CRACDL: variants seen among roughly 807,000 people sequenced by gnomAD.
CRACDL encodes CRACD-like protein.
CRACDL carries 26 observed loss-of-function variants against 70.6 expected under a neutral mutation model. That is an observed-to-expected ratio of 0.37 (90% confidence interval 0.27 to 0.51). CRACDL has a LOEUF of 0.51. Ranked by LOEUF, CRACDL falls within the 20% of genes least tolerant of loss-of-function variation. CRACDL has a pLI of 0.94. For synonymous variants in CRACDL, 618 were observed against 615.2 expected (o/e 1.00, Z -0.07); for missense variants, 1,283 against 1,376.9 (o/e 0.93, Z 1.08).
chr2:98,808,324 TCA>T (rs757950038), intron 7 of CRACDL, among the ~76,000 whole-genome samples: 2 of 152,182 alleles, frequency 1.3e-5, no homozygotes, highest in Non-Finnish European at 2.9e-5. Context: ...TTTAACACTC[TCA>T]CAGTCTGGGA....
chr2:98,848,762 A>AT (rs1003263887), intron 1 of CRACDL, among the ~76,000 whole-genome samples: 1 of 152,076 alleles, frequency 6.6e-6, no homozygotes, highest in Admixed American at 6.5e-5. Context: ...AATTTTTTGT[A>AT]TTTTTTGTAG....
At chr2:98,931,367 T>C (rs1352272615) in intron 1 of CRACDL, among the ~76,000 whole-genome samples, 1 of 148,302 alleles carries the variant, frequency 6.7e-6, no homozygotes, top group Non-Finnish European at 1.5e-5. Flanking sequence ...CTGACTCCCC[T>C]GACCTTGACT....
chr2:98,799,219 G>C (rs1386083888), intron 7 of CRACDL, among the ~76,000 whole-genome samples: 1 of 152,192 alleles, frequency 6.6e-6, no homozygotes, highest in Admixed American at 6.5e-5. Flanking sequence ...ATTGTTCTCT[G>C]TGGCCTGATG....
At chr2:98,832,219 C>T in intron 5 of CRACDL, 129 bp downstream of exon 5, 1 of 914,818 alleles carries the variant, frequency 1.1e-6, no homozygotes, top group South Asian at 1.4e-5. Flanking sequence ...ATTGTAGGCT[C>T]CAGTGACCCA....
chr2:98,864,345 T>A (rs1356013779), intron 1 of CRACDL, among the ~76,000 whole-genome samples: 1 of 152,058 alleles, frequency 6.6e-6, no homozygotes, highest in Non-Finnish European at 1.5e-5. Flanking sequence ...TTACACGAAA[T>A]GTCCAGACTA....
At chr2:98,905,695 C>T (rs1478730766) in intron 1 of CRACDL, among the ~76,000 whole-genome samples, 2 of 149,936 alleles carry the variant, frequency 1.3e-5, no homozygotes, top group African/African-American at 2.5e-5. Flanking sequence ...GTGGCACGAT[C>T]TCTGCTCCAT....
chr2:98,831,812 T>C (rs1253116167), intron 5 of CRACDL, among the ~76,000 whole-genome samples: 1 of 152,202 alleles, frequency 6.6e-6, no homozygotes, highest in African/African-American at 2.4e-5. Flanking sequence ...TCCTCCACCC[T>C]GCTGAGGTCA....
chr2:98,915,212 C>G (rs1273275352), intron 1 of CRACDL, among the ~76,000 whole-genome samples: 1 of 152,210 alleles, frequency 6.6e-6, no homozygotes, highest in Non-Finnish European at 1.5e-5. Flanking sequence ...GACTCAGGCT[C>G]AGAGACAAGG....
At chr2:98,818,875 T>C (rs1029018758) in intron 7 of CRACDL, among the ~76,000 whole-genome samples, 1 of 152,228 alleles carries the variant, frequency 6.6e-6, no homozygotes, top group African/African-American at 2.4e-5. Context: ...TCCTGGTACC[T>C]GTCCTTCCAA....
chr2:98,909,612 A>G (rs1160543084), intron 1 of CRACDL, among the ~76,000 whole-genome samples: 2 of 152,208 alleles, frequency 1.3e-5, no homozygotes, highest in Non-Finnish European at 2.9e-5. Context: ...TCCTCCCTCC[A>G]GCACATTTCT....
chr2:98,808,527 T>C (rs1398236317), intron 7 of CRACDL, among the ~76,000 whole-genome samples: 2 of 152,062 alleles, frequency 1.3e-5, no homozygotes, highest in Non-Finnish European at 2.9e-5. Context: ...ATGACCCAGT[T>C]CTTGAGAACT....
At chr2:98,803,648 A>G (rs1398996743) in intron 7 of CRACDL, among the ~76,000 whole-genome samples, 1 of 152,192 alleles carries the variant, frequency 6.6e-6, no homozygotes, top group African/African-American at 2.4e-5. Flanking sequence ...CTGTCATCCT[A>G]AAAATGCACA....
Position 98,849,087 on chromosome 2 carries a change from C to A in CRACDL, c.-10-2277G>T, listed in dbSNP as rs192793464. On this transcript the variant is annotated intron_variant, in intron 1 of 9. Transcript: ENST00000397899. ...TGAAGGGCAGAGCCCTGAGCTGTCC[C>A]CAGTGGGGCTCAAGAGAAGCTGGAG... Among the ~76,000 whole-genome samples the A allele has an allele frequency of 7.9e-5, 12 of 152,308 alleles. No individual in the cohort carries two copies. The East Asian group carries it at 2.3e-3, about 29-fold the overall frequency.
At chr2:98,824,857 G>T (rs1208622075) in intron 6 of CRACDL, among the ~76,000 whole-genome samples, 1 of 152,190 alleles carries the variant, frequency 6.6e-6, no homozygotes, top group Non-Finnish European at 1.5e-5. Flanking sequence ...AGAGGAAGAG[G>T]CACAAAGAAA....
chr2:98,807,135 G>T (rs550000127), intron 7 of CRACDL, among the ~76,000 whole-genome samples: 1 of 152,190 alleles, frequency 6.6e-6, no homozygotes, highest in Non-Finnish European at 1.5e-5. Context: ...GGACCACAGA[G>T]TCTTATGGAA....
At chr2:98,865,217 T>G (rs1375865633) in intron 1 of CRACDL, among the ~76,000 whole-genome samples, 1 of 152,078 alleles carries the variant, frequency 6.6e-6, no homozygotes, top group Non-Finnish European at 1.5e-5. Flanking sequence ...TTGTTCCTTC[T>G]GCTTGAACTT....
At chr2:98,799,941 T>C (rs1057167730) in intron 7 of CRACDL, among the ~76,000 whole-genome samples, 2 of 152,196 alleles carry the variant, frequency 1.3e-5, no homozygotes, top group Non-Finnish European at 2.9e-5. Flanking sequence ...TCCTGCTTGC[T>C]CCTGACCCTC....
rs139727191 is a variant in CRACDL at position 98,933,687 on chromosome 2, T to C, written c.-11+2251A>G. ...AGGGGAAGAGCCAGTGACTGCAAGG[T>C]AGCTAAGTCAAATCCAGGCCCACCA... On this transcript the variant is annotated intron_variant, in intron 1 of 9. Coordinates refer to ENST00000397899, the MANE Select transcript of CRACDL (RefSeq NM_207362.3). Among the ~76,000 whole-genome samples, 638 of 152,130 alleles carry C rather than the reference T, an allele frequency of 4.2e-3. 5 individuals carry two copies. Among genetic ancestry groups the C allele is most frequent in the African/African-American group, 0.015 (607 of 41,482 alleles).
intron 9 of CRACDL, among the ~76,000 whole-genome samples, chr2:98,795,111 T>C (rs775992294): frequency 8.0e-6 from 1 of 124,270 alleles, no homozygotes; most frequent in Non-Finnish European, 1.7e-5. Flanking sequence ...AGTCTCACTG[T>C]GTTGCCCAGG....
Sources: allele counts gnomAD v4.1 joint callset (sites outside exome capture counted in the v4.1 genomes callset), GRCh38; gene constraint gnomAD v4.1.1; transcripts MANE v1.5; gene names NCBI Gene and HGNC (gene_info 2026-07-23, HGNC 2026-07-21).